The following KIAA0586 variants were observed in gnomAD, a reference collection of about 807,000 sequenced individuals.
The protein encoded by KIAA0586 is KIAA0586.
In KIAA0586, 144 loss-of-function variants were observed where a neutral mutation model predicts 169.8. The observed-to-expected ratio is 0.85, with a 90% confidence interval of 0.74 to 0.97. The LOEUF (loss-of-function observed/expected upper bound fraction) is 0.97, where lower values mean the gene tolerates loss of function less well. Among genes scored for constraint, KIAA0586 ranks in the 50% least tolerant of loss-of-function variants. The pLI, the probability that KIAA0586 is intolerant of heterozygous loss-of-function variation, is 0.00. For missense variants in KIAA0586, 1,854 were observed against 1,823.0 expected, an observed-to-expected ratio of 1.02 and a Z score of -0.31; for synonymous variants, 625 against 612.4, an observed-to-expected ratio of 1.02 and a Z score of -0.30.
At chr14:58,541,688 A>G (rs1566961855) in intron 30 of KIAA0586, among the ~76,000 whole-genome samples, 1 of 152,256 alleles carries the variant, frequency 6.6e-6, no homozygotes, top group Non-Finnish European at 1.5e-5. Context: ...CAGAAAACAT[A>G]AAATTTCTTT....
chr14:58,526,710 T>G (rs567368800), intron 29 of KIAA0586, among the ~76,000 whole-genome samples: 2 of 152,156 alleles, frequency 1.3e-5, no homozygotes, highest in Admixed American at 6.5e-5. Flanking sequence ...ATGAATTTGA[T>G]GAATTGACAG....
chr14:58,535,573 ATTAT>A (rs2046230433), intron 29 of KIAA0586, among the ~76,000 whole-genome samples: 1 of 152,164 alleles, frequency 6.6e-6, no homozygotes, highest in Non-Finnish European at 1.5e-5. Context: ...TGAAAATGCT[ATTAT>A]TTAAGAGAGT....
At chr14:58,503,520 G>A (rs966481208) in intron 27 of KIAA0586, among the ~76,000 whole-genome samples, 8 of 152,178 alleles carry the variant, frequency 5.3e-5, no homozygotes, top group Non-Finnish European at 1.0e-4. Flanking sequence ...GCATGTGCTA[G>A]GTGCTAGGAA....
rs2047176498 is a variant in KIAA0586 at position 58,550,547 on chromosome 14, T to C, written c.*2615T>C. ...TCAAGATCAAGGCTGTTACTATTGC[T>C]GGGCTGTGACTGGACACGGTGGCTC... is the stretch of plus-strand genomic sequence containing the variant. On this transcript the variant is annotated 3_prime_UTR_variant, in exon 31 of 31. Coordinates refer to ENST00000652326, the MANE Select transcript of KIAA0586 (RefSeq NM_001329943.3). The C allele has an allele frequency of 6.6e-6, 1 of 151,652 alleles. No individual in the cohort carries two copies. Among genetic ancestry groups the C allele is most frequent in the Non-Finnish European group, 1.5e-5 (1 of 67,946 alleles). The allele number at this position is 151,652 out of a possible 1,614,324, so 9.4% of individuals were successfully genotyped here. A position where few individuals can be genotyped will look rare whatever the true frequency, so the allele number is the denominator to read the frequency against.
chr14:58,430,734 G>C lies in KIAA0586; in HGVS notation c.340+17G>C. ...AGCAAAAAGGTAAAAGAATAATATT[G>C]ATTTTTTTAAATTGTGACAACATAT... On this transcript the variant is annotated intron_variant, in intron 3 of 30. Transcript: ENST00000652326. 6.8e-7 allele frequency: 1 copy of C among 1,462,076 alleles called. No individual in the cohort carries two copies. The highest frequency in any genetic ancestry group is 9.5e-7 in the Non-Finnish European group (1 of 1,050,748). The allele number at this position is 1,462,076 out of a possible 1,614,324, so 90.6% of individuals were successfully genotyped here.
At chr14:58,513,192 C>T (rs1236579291) in intron 29 of KIAA0586, among the ~76,000 whole-genome samples, 1 of 151,918 alleles carries the variant, frequency 6.6e-6, no homozygotes, top group Non-Finnish European at 1.5e-5. Flanking sequence ...GTTTTGTTTG[C>T]CATCTTGCTT....
At chr14:58,511,516 T>C (rs55847550) in intron 28 of KIAA0586, among the ~76,000 whole-genome samples, 5,633 of 152,256 alleles carry the variant, frequency 0.037, 146 homozygotes, top group Non-Finnish European at 0.055. Flanking sequence ...TCACAGCTCT[T>C]ATTCGCTGTG....
intron 29 of KIAA0586, 189 bp from the exon 30 acceptor site, chr14:58,539,882 G>A (rs1380341788): frequency 2.1e-6 from 1 of 466,804 alleles, no homozygotes; most frequent in African/African-American, 2.0e-5. Context: ...CCTATTGATA[G>A]TCATTAAAAT....
chr14:58,456,949 T>G (rs1168008164), intron 10 of KIAA0586, 139 bp downstream of exon 10: 6 of 606,616 alleles, frequency 9.9e-6, no homozygotes, highest in African/African-American at 7.4e-5. Flanking sequence ...ATCTGTTCCA[T>G]TTATAAAGTA....
At chr14:58,502,544 TAAA>T (rs1209598953) in intron 27 of KIAA0586, among the ~76,000 whole-genome samples, 1 of 152,184 alleles carries the variant, frequency 6.6e-6, no homozygotes, top group Non-Finnish European at 1.5e-5. Context: ...AGGTGACTTT[TAAA>T]AGGTGTAGAT....
Position 58,487,006 on chromosome 14 carries a change from G to C in KIAA0586, c.3145-1G>C. ...AGTTTATCTTGTTTTATTTATTTTAGGCAAGAGTGTGCACCCCACTGCCTA... is the reference window on the plus strand; with the variant it reads ...AGTTTATCTTGTTTTATTTATTTTACGCAAGAGTGTGCACCCCACTGCCTA... On this transcript the variant is annotated splice_acceptor_variant, in intron 21 of 30. Transcript: ENST00000652326. LOFTEE classifies it high-confidence loss of function. 1.3e-6 allele frequency: 2 copies of C among 1,590,622 alleles called. No homozygotes were observed. Among genetic ancestry groups the C allele is most frequent in the Non-Finnish European group, 1.7e-6 (2 of 1,171,018 alleles).
chr14:58,471,723 T>C (rs2041225212), intron 17 of KIAA0586, among the ~76,000 whole-genome samples: 1 of 152,218 alleles, frequency 6.6e-6, no homozygotes, highest in Non-Finnish European at 1.5e-5. Flanking sequence ...ATCATTCTGC[T>C]GTCAGTAAGA....
intron 6 of KIAA0586, among the ~76,000 whole-genome samples, chr14:58,447,247 T>C (rs2038970184): frequency 6.6e-6 from 1 of 152,130 alleles, no homozygotes. Context: ...TGTAAAACTA[T>C]AAATTTTTTT....
chr14:58,463,651 A>G (rs1327226789), intron 14 of KIAA0586, among the ~76,000 whole-genome samples: 2 of 151,910 alleles, frequency 1.3e-5, no homozygotes, highest in African/African-American at 2.4e-5. Context: ...ACATAGCTAG[A>G]TCCTGTCTCT....
chr14:58,521,985 C>T, intron 29 of KIAA0586: 1 of 1,314,000 alleles, frequency 7.6e-7, no homozygotes, highest in Non-Finnish European at 1.1e-6. Context: ...GCGAAGATAA[C>T]TCTTAAGCAC....
chr14:58,557,901 C>CTTTTTTTTTTTTTTTTTTTTTTTTTTTT, the KIAA0586 span, among the ~76,000 whole-genome samples: 24 of 42,508 alleles, frequency 5.6e-4, 6 homozygotes, highest in Non-Finnish European at 6.0e-4. Context: ...CCTGAGAAAT[C>CTTTTTTTTTTTTTTTTTTTTTTTTTTTT]TTTTTTTTTT....
chr14:58,492,459 G>C (rs531796532), intron 26 of KIAA0586, among the ~76,000 whole-genome samples, 184 bp downstream of exon 26: 1 of 152,172 alleles, frequency 6.6e-6, no homozygotes, highest in Non-Finnish European at 1.5e-5. Context: ...TAGACCATCT[G>C]TTCCAACCAC....
chr14:58,457,454 G>A (rs917073871), intron 10 of KIAA0586, among the ~76,000 whole-genome samples: 6 of 152,136 alleles, frequency 3.9e-5, no homozygotes, highest in Non-Finnish European at 5.9e-5. Flanking sequence ...TTTTAGTAGA[G>A]ACAGGGTTTC....
At chr14:58,556,256 C>A (rs2047240088), downstream of KIAA0586, among the ~76,000 whole-genome samples, 1 of 152,196 alleles carries the variant, frequency 6.6e-6, no homozygotes, top group Non-Finnish European at 1.5e-5. Flanking sequence ...AACATTAGCC[C>A]ATGGAGCAGC....
Sources: allele counts gnomAD v4.1 joint callset (sites outside exome capture counted in the v4.1 genomes callset), GRCh38; gene constraint gnomAD v4.1.1; transcripts MANE v1.5; gene names NCBI Gene and HGNC (gene_info 2026-07-23, HGNC 2026-07-21).